The following NCOR1 variants were observed in gnomAD, a reference collection of about 807,000 sequenced individuals.
The protein encoded by NCOR1 is nuclear receptor corepressor 1, also known as protein phosphatase 1, regulatory subunit 109.
Under a neutral mutation model 288.1 loss-of-function variants are expected in NCOR1, and 63 were observed. The ratio of observed to expected loss-of-function variants is 0.22; its 90% CI spans 0.18 to 0.27. NCOR1 has a LOEUF of 0.27. NCOR1 is among the 10% of genes least tolerant of loss of function. NCOR1 has a pLI of 1.00. For missense variants in NCOR1, 2,397 were observed against 3,019.2 expected, an observed-to-expected ratio of 0.79 and a Z score of 4.83; for synonymous variants, 1,007 against 1,065.9, an observed-to-expected ratio of 0.94 and a Z score of 1.08.
At chr17:16,078,392 CACAA>C (rs1337016659) in intron 26 of NCOR1, among the ~76,000 whole-genome samples, 8 of 152,178 alleles carry the variant, frequency 5.3e-5, no homozygotes, top group Non-Finnish European at 7.3e-5. Flanking sequence ...ATGTCAAGTG[CACAA>C]ACAGATTTTA....
chr17:16,083,964 G>A (rs1249138518), intron 23 of NCOR1: 2 of 152,152 alleles, frequency 1.3e-5, no homozygotes, highest in Non-Finnish European at 2.9e-5. Context: ...AGAGATCCCA[G>A]CAGAATTTTT....
At chr17:16,065,932 A>G in intron 32 of NCOR1, 1 of 516,610 alleles carries the variant, frequency 1.9e-6, no homozygotes, top group Non-Finnish European at 3.5e-6. Flanking sequence ...AAAACTTCTC[A>G]AGTAGTTTTA....
intron 5 of NCOR1, among the ~76,000 whole-genome samples, chr17:16,160,411 C>A (rs2080592657): frequency 6.6e-6 from 1 of 151,866 alleles, no homozygotes; most frequent in South Asian, 2.1e-4. Context: ...AAGTCCACTA[C>A]CTAAGATGAT....
At chr17:16,137,634 A>C (rs544631614) in intron 13 of NCOR1, 13 of 327,054 alleles carry the variant, frequency 4.0e-5, no homozygotes, top group African/African-American at 2.8e-4. Context: ...AAATTATGTG[A>C]AAGATGCCAG....
At chr17:16,110,020 C>T (rs2069681979) in intron 18 of NCOR1, among the ~76,000 whole-genome samples, 1 of 152,180 alleles carries the variant, frequency 6.6e-6, no homozygotes, top group South Asian at 2.1e-4. Context: ...GCGTGAGCCA[C>T]CGCACCCAGC....
chr17:16,134,401 A>C (rs866656018), intron 14 of NCOR1, among the ~76,000 whole-genome samples: 1 of 152,242 alleles, frequency 6.6e-6, no homozygotes, highest in Non-Finnish European at 1.5e-5. Flanking sequence ...GCCTACCAGA[A>C]GTGCTGACCA....
chr17:16,071,415 A>T lies in NCOR1; in HGVS notation c.4146T>A (p.Ile1382=). The change falls in exon 30 of 46, where the codon ATT becomes ATA. Residue 1382 remains isoleucine (I), a synonymous_variant. Coordinates refer to ENST00000268712, the MANE Select transcript of NCOR1 (RefSeq NM_006311.4). ...QSTRPIIEGS[I]SQGTPIKFDN... ...AGAGCCAAAACTTAGTTACCTGGGA[A>T]ATGGAACCCTCAATTATCGGCCGTG... 6.2e-7 allele frequency: 1 copy of T among 1,608,434 alleles called. No individual in the cohort carries two copies. The highest frequency in any genetic ancestry group is 1.7e-5 in the Admixed American group (1 of 59,124).
intron 14 of NCOR1, among the ~76,000 whole-genome samples, chr17:16,130,724 C>A (rs779616280): frequency 6.6e-6 from 1 of 152,160 alleles, no homozygotes; most frequent in Non-Finnish European, 1.5e-5. Flanking sequence ...TACTATGTCA[C>A]CCAGGCTGGA....
chr17:16,170,727 C>T (rs9898135), intron 4 of NCOR1, among the ~76,000 whole-genome samples: 4,865 of 151,420 alleles, frequency 0.032, 128 homozygotes, highest in African/African-American at 0.061. Context: ...CCCAGCTACT[C>T]GGGAGGCTGA....
chr17:16,136,039 G>A (rs945135367), intron 14 of NCOR1, among the ~76,000 whole-genome samples: 4 of 152,220 alleles, frequency 2.6e-5, no homozygotes, highest in South Asian at 2.1e-4. Context: ...TGGCAGTAGC[G>A]CAGCAGTCTC....
In NCOR1 at chr17:16,148,563, G is replaced by C. The variant is rs575133177; in HGVS notation, c.909+888C>G. Among the ~76,000 whole-genome samples the C allele has an allele frequency of 1.3e-3, 198 of 146,976 alleles. 1 individual carries two copies. Among genetic ancestry groups the C allele is most frequent in the African/African-American group, 4.7e-3 (188 of 39,996 alleles). On this transcript the variant is annotated intron_variant, in intron 9 of 45. Transcript: ENST00000268712. ...AAACCTTACAGTGTTTGCATCACCAGTGAACTTATTTAGTGAGTACCAGAA... is the reference window on the plus strand; with the variant it reads ...AAACCTTACAGTGTTTGCATCACCACTGAACTTATTTAGTGAGTACCAGAA...
Position 16,034,920 on chromosome 17 carries a change from A to G in NCOR1, c.6980T>C (p.Ile2327Thr). 3.1e-6 allele frequency: 5 copies of G among 1,614,094 alleles called. No homozygotes were observed. Among genetic ancestry groups the G allele is most frequent in the East Asian group, 2.2e-5 (1 of 44,876 alleles). ...HSGGVCKPKLISKSNSRKSKS... is the reference protein window; with the variant it reads ...HSGGVCKPKLTSKSNSRKSKS... ...AGATTTCCTGCTGTTTGACTTGCTGATCAGCTTTGGTTTGCAAACTCCTCC... is the reference window on the plus strand; with the variant it reads ...AGATTTCCTGCTGTTTGACTTGCTGGTCAGCTTTGGTTTGCAAACTCCTCC... The change falls in exon 45 of 46, where the codon ATC becomes ACC. Residue 2327 changes from isoleucine to threonine, a missense_variant. Ile to Thr is a moderately conservative substitution (Grantham distance 89, BLOSUM62 -1). Coordinates refer to ENST00000268712, the MANE Select transcript of NCOR1 (RefSeq NM_006311.4).
intron 5 of NCOR1, among the ~76,000 whole-genome samples, chr17:16,161,137 T>C (rs2080762527): frequency 6.6e-6 from 1 of 152,006 alleles, no homozygotes; most frequent in Non-Finnish European, 1.5e-5. Context: ...AGAATCCTTG[T>C]TAAGGAATAA....
chr17:16,080,191 T>C lies in NCOR1; in HGVS notation c.3401-127A>G, dbSNP rs927589710. 1.1e-5 allele frequency: 9 copies of C among 833,378 alleles called. No homozygotes were observed. The Admixed American group carries it at 1.7e-4, about 16-fold the overall frequency. The allele number at this position is 833,378 out of a possible 1,614,324, so 51.6% of individuals were successfully genotyped here. On this transcript the variant is annotated intron_variant, in intron 25 of 45. Transcript: ENST00000268712. Reference sequence around the variant, plus strand: ...GAAAAAAGCAGCACAAAACCCATCATGTTTGTTTTATTAAAATGTACTTCC... The same window carrying C: ...GAAAAAAGCAGCACAAAACCCATCACGTTTGTTTTATTAAAATGTACTTCC...
At chr17:16,033,683 TGTGATC>T (rs1246263400) in intron 45 of NCOR1, among the ~76,000 whole-genome samples, 2 of 152,224 alleles carry the variant, frequency 1.3e-5, no homozygotes, top group Non-Finnish European at 2.9e-5. Flanking sequence ...TTAAAGCTAC[TGTGATC>T]ATAGTTATTA....
In NCOR1 at chr17:16,138,290, A is replaced by C. The variant is rs545105082; in HGVS notation, c.1353-78T>G. ...AAAAAAAAAAAAACTTGGGAAAAGA[A>C]AGACTATGTATAGGCTGGGCGTGGT... On this transcript the variant is annotated intron_variant, in intron 12 of 45. Coordinates refer to ENST00000268712, the MANE Select transcript of NCOR1 (RefSeq NM_006311.4). 8.1e-5 allele frequency: 105 copies of C among 1,296,702 alleles called. 1 individual carries two copies. The African/African-American group carries it at 1.4e-3, about 17-fold the overall frequency. 80.3% of individuals were successfully genotyped at this position (1,296,702 alleles called of 1,614,324 possible). A position where few individuals can be genotyped will look rare whatever the true frequency, so the allele number is the denominator to read the frequency against.
intron 30 of NCOR1, among the ~76,000 whole-genome samples, chr17:16,071,145 G>T (rs757421748): frequency 6.6e-6 from 1 of 151,922 alleles, no homozygotes; most frequent in Non-Finnish European, 1.5e-5. Flanking sequence ...GGGTGTGGAG[G>T]TACATGCCTG....
chr17:16,039,461 T>C lies in NCOR1; in HGVS notation c.6927A>G (p.Arg2309=). The C allele has an allele frequency of 6.2e-7, 1 of 1,614,032 alleles. No homozygotes were observed. The highest frequency in any genetic ancestry group is 8.5e-7 in the Non-Finnish European group (1 of 1,179,984). Reference sequence around the variant, plus strand: ...AATGAGGTGATGGGTCCCCTTCCTCTCTTCGTGTCTCACCACTGGTCACAA... The same window carrying C: ...AATGAGGTGATGGGTCCCCTTCCTCCCTTCGTGTCTCACCACTGGTCACAA... ...TSVVTSGETR[R]EEGDPSPHSG... Residue 2309 remains arginine (R), a synonymous_variant, in exon 44 of 46, where the codon AGA becomes AGG. Transcript: ENST00000268712.
At chr17:16,192,424 G>A (rs551647943) in intron 2 of NCOR1, among the ~76,000 whole-genome samples, 1 of 152,358 alleles carries the variant, frequency 6.6e-6, no homozygotes, top group South Asian at 2.1e-4. Context: ...GGAAGGCCGA[G>A]GAGGGTGGAT....
Sources: gnomAD v4.1 joint callset for allele counts (sites outside exome capture counted in the v4.1 genomes callset) on GRCh38, gnomAD v4.1.1 for gene constraint, MANE v1.5 for transcripts, NCBI Gene and HGNC (gene_info 2026-07-23, HGNC 2026-07-21) for gene names.